DCC: variants seen among roughly 807,000 people sequenced by gnomAD.
DCC encodes DCC netrin 1 receptor, also known as netrin receptor DCC.
DCC carries 58 observed loss-of-function variants against 172.5 expected under a neutral mutation model. That is an observed-to-expected ratio of 0.34 (90% confidence interval 0.27 to 0.42). DCC has a LOEUF of 0.42. Ranked by LOEUF, DCC falls within the 10% of genes least tolerant of loss-of-function variation. DCC has a pLI of 1.00. For missense variants in DCC, 1,740 were observed against 1,791.0 expected (o/e 0.97, Z 0.51); for synonymous variants, 709 against 644.5 (o/e 1.10, Z -1.52).
intron 7 of DCC, among the ~76,000 whole-genome samples, chr18:53,128,868 C>CATATATATATATATATAT (rs1461421322): frequency 3.5e-5 from 2 of 57,416 alleles, no homozygotes; most frequent in Admixed American, 1.8e-4. Flanking sequence ...CACACACACA[C>CATATATATATATATATAT]ACATATATAT....
intron 1 of DCC, among the ~76,000 whole-genome samples, chr18:52,724,011 G>T (rs1185951048): frequency 6.6e-6 from 1 of 152,164 alleles, no homozygotes; most frequent in East Asian, 1.9e-4. Context: ...AGGTACAGAT[G>T]AGTATCCTGA....
In DCC at chr18:53,391,693, G is replaced by A. The variant is rs771497260; in HGVS notation, c.2494G>A (p.Asp832Asn). 4.8e-5 allele frequency: 78 copies of A among 1,614,034 alleles called. 1 individual carries two copies. In the East Asian group the frequency reaches 1.0e-3, roughly 21 times the overall value. Residue 832 changes from aspartate to asparagine, a missense_variant, in exon 17 of 29, where the codon GAT (aspartate) becomes AAT (asparagine). Around this residue, in one of 2 missense-constraint regions of DCC, gnomAD observed 1,732 missense variants for 1,767.4 expected, o/e 0.98. Transcript: ENST00000442544. ...DPVDYYPLLD[D>N]FPTSVPDLST... ...AGTTGATTATTATCCTTTGCTTGAT[G>A]ATTTCCCCACCTCGGTCCCAGATCT... is the stretch of plus-strand genomic sequence containing the variant.
At chr18:52,585,987 G>T (rs2033663294) in intron 1 of DCC, among the ~76,000 whole-genome samples, 1 of 149,810 alleles carries the variant, frequency 6.7e-6, no homozygotes, top group Non-Finnish European at 1.5e-5. Context: ...GGAGGCTGAG[G>T]CAGGAGAATG....
At chr18:53,002,914 G>C (rs953993669) in intron 5 of DCC, among the ~76,000 whole-genome samples, 37 of 152,208 alleles carry the variant, frequency 2.4e-4, no homozygotes, top group African/African-American at 8.4e-4. Flanking sequence ...GGGAGTGGAA[G>C]TGGCAAGTTC....
In DCC at chr18:52,354,585, G is replaced by A. The variant is rs534014098; in HGVS notation, c.91+13707G>A. Among the ~76,000 whole-genome samples, 46 of 152,310 alleles carry A rather than the reference G, an allele frequency of 3.0e-4. 2 individuals carry two copies. The South Asian group carries it at 8.7e-3, about 29-fold the overall frequency. ...TTTTGGACATGATAGGATAATGTAT[G>A]TATTGGAGAAGTCATGTCTAGCACT... is the stretch of plus-strand genomic sequence containing the variant. On this transcript the variant is annotated intron_variant, in intron 1 of 28. Transcript: ENST00000442544.
chr18:53,316,758 G>T (rs572260212), intron 13 of DCC, among the ~76,000 whole-genome samples: 1 of 151,412 alleles, frequency 6.6e-6, no homozygotes, highest in South Asian at 2.1e-4. Flanking sequence ...GGCTATTATC[G>T]GTGTATAGGA....
chr18:52,372,687 A>G (rs1985174012), intron 1 of DCC, among the ~76,000 whole-genome samples: 1 of 152,150 alleles, frequency 6.6e-6, no homozygotes, highest in Admixed American at 6.6e-5. Flanking sequence ...ACAGATATGA[A>G]TGTGCTTACT....
Position 52,901,426 on chromosome 18 carries a change from G to A in DCC, c.413-4618G>A, listed in dbSNP as rs150727846. ...TCCTGGGCGATAGTGTATAAGACTC[G>A]GGCTCAAAATAAATAAATAAATAAA... On this transcript the variant is annotated intron_variant, in intron 2 of 28. Coordinates refer to ENST00000442544, the MANE Select transcript of DCC (RefSeq NM_005215.4). Among the ~76,000 whole-genome samples the A allele has an allele frequency of 2.4e-3, 355 of 150,996 alleles. 1 individual carries two copies. Among genetic ancestry groups the A allele is most frequent in the Non-Finnish European group, 3.8e-3 (257 of 67,924 alleles).
chr18:52,535,625 C>G (rs989808806), intron 1 of DCC, among the ~76,000 whole-genome samples: 2 of 152,034 alleles, frequency 1.3e-5, no homozygotes, highest in African/African-American at 4.8e-5. Flanking sequence ...GGAAAATTGT[C>G]TGGGAGGTTT....
At chr18:53,086,017 TCCCTCTCCCTCTCCCTCTCCCTCTCCC>T (rs1568294244) in intron 7 of DCC, among the ~76,000 whole-genome samples, 16 of 1,266 alleles carry the variant, frequency 0.013, no homozygotes, top group African/African-American at 0.049. Flanking sequence ...CTTCTCCTTC[TCCCTCTCCCTCTCCCTCTCCCTCTCCC>T]TCTCCTTCTC....
At chr18:53,136,224 C>T (rs1430698460) in intron 7 of DCC, among the ~76,000 whole-genome samples, 1,194 of 104,468 alleles carry the variant, frequency 0.011, 15 homozygotes, top group African/African-American at 0.031. Context: ...TATATATACA[C>T]ACACACACAC....
At chr18:52,645,427 G>A (rs1246731920) in intron 1 of DCC, among the ~76,000 whole-genome samples, 3 of 152,104 alleles carry the variant, frequency 2.0e-5, no homozygotes, top group Non-Finnish European at 4.4e-5. Flanking sequence ...ATGTAGAAGG[G>A]TACTGTAAAA....
chr18:53,017,074 T>C (rs796306268), intron 5 of DCC, among the ~76,000 whole-genome samples: 1 of 150,298 alleles, frequency 6.7e-6, no homozygotes, highest in South Asian at 2.1e-4. Context: ...TTTTTCTTTT[T>C]CTTTTCTTTT....
intron 5 of DCC, among the ~76,000 whole-genome samples, chr18:52,972,628 A>G (rs933921832): frequency 1.8e-4 from 27 of 151,870 alleles, no homozygotes; most frequent in Non-Finnish European, 3.2e-4. Context: ...ATACATGTAT[A>G]CTGGGCCAAA....
At chr18:53,483,995 A>T (rs574181796) in intron 25 of DCC, among the ~76,000 whole-genome samples, 1 of 151,806 alleles carries the variant, frequency 6.6e-6, no homozygotes, top group South Asian at 2.1e-4. Flanking sequence ...AGATAGATAG[A>T]TAGATAGATA....
chr18:53,270,637 A>T (rs564443505), intron 12 of DCC, among the ~76,000 whole-genome samples: 2 of 152,110 alleles, frequency 1.3e-5, no homozygotes, highest in Non-Finnish European at 2.9e-5. Context: ...TTACAGTTTT[A>T]CTTTGTACTT....
chr18:52,975,036 G>T lies in DCC; in HGVS notation c.985+49666G>T, dbSNP rs1322818714. Among the ~76,000 whole-genome samples, 4 of 152,130 alleles carry T rather than the reference G, an allele frequency of 2.6e-5. No homozygotes were observed. The East Asian group carries it at 7.7e-4, about 29-fold the overall frequency. On this transcript the variant is annotated intron_variant, in intron 5 of 28. Transcript: ENST00000442544. ...ATATTAGAAACAGAGGACGGACCTT[G>T]TTTCTCTTTTGAATTTTCTGCTTCC...
At chr18:53,428,307 AATATAAT>A (rs1911198837) in intron 21 of DCC, among the ~76,000 whole-genome samples, 1 of 23,438 alleles carries the variant, frequency 4.3e-5, no homozygotes, top group African/African-American at 9.6e-5. Flanking sequence ...TAATATATAG[AATATAAT>A]ATATAATATA....
At chr18:52,749,608 A>T (rs2036964467) in intron 1 of DCC, among the ~76,000 whole-genome samples, 1 of 152,222 alleles carries the variant, frequency 6.6e-6, no homozygotes, top group Admixed American at 6.5e-5. Flanking sequence ...TTGCCATTGA[A>T]CTGCAAGGGT....
Sources: allele counts gnomAD v4.1 joint callset (sites outside exome capture counted in the v4.1 genomes callset), GRCh38; gene constraint gnomAD v4.1.1; regional missense constraint gnomAD v4.1.1; transcripts MANE v1.5; gene names NCBI Gene and HGNC (gene_info 2026-07-23, HGNC 2026-07-21).